Variants in KIF26A observed in about 807,000 individuals in gnomAD.
KIF26A encodes the protein kinesin family member 26A.
A neutral mutation model predicts 126.0 loss-of-function variants in KIF26A; 74 were observed. The ratio of observed to expected loss-of-function variants is 0.59; its 90% CI spans 0.49 to 0.71. The LOEUF (loss-of-function observed/expected upper bound fraction) is 0.71. Ranked by LOEUF, KIF26A falls within the 30% of genes least tolerant of loss-of-function variation. The probability of loss-of-function intolerance (pLI) is 0.00; values close to 1 mark genes in which losing one functional copy is unlikely to be tolerated. For synonymous variants in KIF26A, 1,445 were observed against 1,232.7 expected, an observed-to-expected ratio of 1.17 and a Z score of -3.61; for missense variants, 2,984 against 2,763.3, an observed-to-expected ratio of 1.08 and a Z score of -1.79.
At chr14:104,143,370 G>T (rs2037653780) in intron 2 of KIF26A, among the ~76,000 whole-genome samples, 1 of 152,224 alleles carries the variant, frequency 6.6e-6, no homozygotes, top group Non-Finnish European at 1.5e-5. Context: ...CTACCGCTCT[G>T]TGTGGCTTGG....
intron 2 of KIF26A, among the ~76,000 whole-genome samples, chr14:104,139,659 G>A (rs1174971627): frequency 6.6e-6 from 1 of 152,170 alleles, no homozygotes; most frequent in Non-Finnish European, 1.5e-5. Flanking sequence ...GAGGTTATTT[G>A]GTGCATTGTG....
intron 4 of KIF26A, among the ~76,000 whole-genome samples, chr14:104,163,384 C>T (rs536755421): frequency 2.0e-5 from 3 of 152,184 alleles, no homozygotes; most frequent in Non-Finnish European, 4.4e-5. Flanking sequence ...ACACAGACAG[C>T]GTGGGCGAGT....
intron 4 of KIF26A, among the ~76,000 whole-genome samples, chr14:104,163,064 G>A (rs1029589869): frequency 2.0e-5 from 3 of 152,220 alleles, no homozygotes; most frequent in African/African-American, 7.2e-5. Context: ...CAGGCAGCTG[G>A]CGGGAAGCTG....
Position 104,172,213 on chromosome 14 carries a change from T to TTGGGCTC in KIF26A, c.1326+290_1326+296dup, listed in dbSNP as rs531255481. 7.2e-5 allele frequency among the ~76,000 whole-genome samples: 11 copies of TTGGGCTC among 152,336 alleles called. No homozygotes were observed. In the East Asian group the frequency reaches 7.7e-4, roughly 11 times the overall value. On this transcript the variant is annotated intron_variant, in intron 6 of 14. Transcript: ENST00000423312. Reference sequence around the variant, plus strand: ...TCCCGGGAAGCTTTCCGAGCAGCTGTTGGGCTCTGGGCTCTGGGGGCGCCC... The same window carrying TTGGGCTC: ...TCCCGGGAAGCTTTCCGAGCAGCTGTTGGGCTCTGGGCTCTGGGCTCTGGGGGCGCCC...
chr14:104,172,796 G>C lies in KIF26A; in HGVS notation c.1420+128G>C, dbSNP rs55928454. 1,646 of 1,072,986 alleles carry C rather than the reference G, an allele frequency of 1.5e-3. 2 individuals carry two copies. The highest frequency in any genetic ancestry group is 2.0e-3 in the Non-Finnish European group (1,515 of 752,550). 66.5% of individuals were successfully genotyped at this position (1,072,986 alleles called of 1,614,324 possible). On this transcript the variant is annotated intron_variant, in intron 7 of 14. Transcript: ENST00000423312. ...TACACATGGGCCGTGGTGGGCATAT[G>C]GGGTGAGGGGCTTGTGGAGAGGAAG...
chr14:104,175,095 G>C lies in KIF26A; in HGVS notation c.2307G>C (p.Thr769=), dbSNP rs767204145. 2 of 1,601,348 alleles carry C rather than the reference G, an allele frequency of 1.2e-6. No homozygotes were observed. Among genetic ancestry groups the C allele is most frequent in the South Asian group, 2.3e-5 (2 of 88,842 alleles). The change falls in exon 12 of 15, where the codon ACG becomes ACC. Residue 769 remains threonine, a synonymous_variant. Coordinates refer to ENST00000423312, the MANE Select transcript of KIF26A (RefSeq NM_015656.2). ...PRTVALDPDR[T]PPCLPGDPDY... ...CTGTGGCCCTGGACCCCGACCGCAC[G>C]CCTCCCTGCCTGCCCGGTGACCCCG... is the stretch of plus-strand genomic sequence containing the variant.
intron 3 of KIF26A, among the ~76,000 whole-genome samples, chr14:104,155,968 C>T (rs911799948): frequency 1.3e-5 from 2 of 152,200 alleles, no homozygotes; most frequent in Non-Finnish European, 2.9e-5. Context: ...TGTCCTGGTG[C>T]CTCACTGGAC....
At position 104,138,743 on chromosome 14, in the gene KIF26A, T is replaced by A; in HGVS notation, c.21T>A (p.Pro7=). The change falls in exon 1 of 15, where the codon CCT becomes CCA. Residue 7 remains proline (P), a synonymous_variant. Transcript: ENST00000423312. MVGRGV[P]LCAAQPAVAE... ...CGGCCATGGTCGGCCGCGGCGTCCCTCTGTGCGCTGCGCAGCCCGCGGTAC... is the reference window on the plus strand; with the variant it reads ...CGGCCATGGTCGGCCGCGGCGTCCCACTGTGCGCTGCGCAGCCCGCGGTAC... The A allele has an allele frequency of 7.9e-7, 1 of 1,271,162 alleles. No individual in the cohort carries two copies. The highest frequency in any genetic ancestry group is 9.9e-7 in the Non-Finnish European group (1 of 1,011,126). 78.7% of individuals were successfully genotyped at this position (1,271,162 alleles called of 1,614,324 possible). A position where few individuals can be genotyped will look rare whatever the true frequency, so the allele number is the denominator to read the frequency against.
Position 104,178,454 on chromosome 14 carries a change from T to A in KIF26A, c.5111-96T>A, listed in dbSNP as rs577521442. ...CTGGACTGGATCCCGAAGGCCTCCC[T>A]GTCAGGACTCGGGCCGGCTCCGCAG... On this transcript the variant is annotated intron_variant, in intron 12 of 14. Transcript: ENST00000423312. 64 of 934,524 alleles carry A rather than the reference T, an allele frequency of 6.8e-5. No homozygotes were observed. In the South Asian group the frequency reaches 1.4e-3, roughly 20 times the overall value. The allele number at this position is 934,524 out of a possible 1,614,324, so 57.9% of individuals were successfully genotyped here.
At chr14:104,160,069 C>G (rs2037819322) in intron 4 of KIF26A, among the ~76,000 whole-genome samples, 1 of 152,158 alleles carries the variant, frequency 6.6e-6, no homozygotes, top group South Asian at 2.1e-4. Context: ...ACCCCAGCCC[C>G]TGCTCTGCCC....
At chr14:104,174,479 G>C (rs775069394) in intron 11 of KIF26A, among the ~76,000 whole-genome samples, 169 bp downstream of exon 11, 3 of 152,178 alleles carry the variant, frequency 2.0e-5, no homozygotes, top group Non-Finnish European at 4.4e-5. Context: ...CCCTCCCTGG[G>C]GGGTGGGGAG....
chr14:104,158,667 C>T (rs1403286896), intron 4 of KIF26A, among the ~76,000 whole-genome samples: 2 of 152,214 alleles, frequency 1.3e-5, no homozygotes, highest in African/African-American at 4.8e-5. Flanking sequence ...GCCTGAGGCC[C>T]TGCAGGCACC....
At position 104,173,082 on chromosome 14, in the gene KIF26A, G is replaced by C; in HGVS notation, c.1526G>C (p.Arg509Thr). 1 of 1,605,028 alleles carries C rather than the reference G, an allele frequency of 6.2e-7. No individual in the cohort carries two copies. The highest frequency in any genetic ancestry group is 1.7e-5 in the Admixed American group (1 of 58,886). The change falls in exon 8 of 15, where the codon AGG (arginine) becomes ACG (threonine). Residue 509 changes from arginine (R) to threonine (T), a missense_variant. Coordinates refer to ENST00000423312, the MANE Select transcript of KIF26A (RefSeq NM_015656.2). ...LFRLIEERRE[R>T]TGTRFSVRVS... The stretch of plus-strand genomic sequence containing the variant: ...AGGCTCATCGAGGAGCGCAGGGAGA[G>C]GACGGGCACCCGCTTCTCCGTCCGG...
Position 104,177,186 on chromosome 14 carries a change from TG to T in KIF26A, c.4399del (p.Val1467CysfsTer37). On this transcript the variant is annotated frameshift_variant, in exon 12 of 15. Coordinates refer to ENST00000423312, the MANE Select transcript of KIF26A (RefSeq NM_015656.2). LOFTEE classifies it high-confidence loss of function. ...RPPRAVPKLG[V>X]PPSSPTHGPA... is the part of the protein sequence containing the mutation. ...CTCCCCGGGCTGTACCCAAGCTGGG[TG>T]TGCCACCCTCCAGCCCCACACACGG... 6.3e-7 allele frequency: 1 copy of T among 1,596,352 alleles called. No individual in the cohort carries two copies. Among genetic ancestry groups the T allele is most frequent in the Non-Finnish European group, 8.5e-7 (1 of 1,177,778 alleles).
chr14:104,158,863 C>G (rs1037024812), intron 4 of KIF26A, among the ~76,000 whole-genome samples: 1 of 152,194 alleles, frequency 6.6e-6, no homozygotes, highest in Non-Finnish European at 1.5e-5. Flanking sequence ...TGTAAGGATG[C>G]GGATTACAGG....
Position 104,139,286 on chromosome 14 carries a change from C to A in KIF26A, c.286C>A (p.Arg96=), listed in dbSNP as rs994358567. Residue 96 remains arginine (R), a splice_region_variant and synonymous_variant, in exon 2 of 15, where the codon CGG becomes AGG. Transcript: ENST00000423312. ...KLVSGPGTTL[R]DPCLSALLLD... ...GGTCAGCGGGCCCGGGACCACCCTC[C>A]GGGTAAGTGACACTTCCTTAGGCCG... is the stretch of plus-strand genomic sequence containing the variant. The A allele has an allele frequency of 1.3e-5, 19 of 1,502,622 alleles. No homozygotes were observed. The African/African-American group carries it at 2.3e-4, about 18-fold the overall frequency. The allele number at this position is 1,502,622 out of a possible 1,614,324, so 93.1% of individuals were successfully genotyped here.
chr14:104,144,793 C>T (rs180898439), intron 2 of KIF26A, among the ~76,000 whole-genome samples: 27 of 152,346 alleles, frequency 1.8e-4, no homozygotes, highest in Admixed American at 1.0e-3. Context: ...TGCGAGCCAC[C>T]GCACAATCTT....
At chr14:104,164,337 G>A (rs2037860702) in intron 4 of KIF26A, among the ~76,000 whole-genome samples, 1 of 152,136 alleles carries the variant, frequency 6.6e-6, no homozygotes, top group South Asian at 2.1e-4. Flanking sequence ...CACACCCTTC[G>A]CCGGGTGGCA....
At position 104,174,161 on chromosome 14, in the gene KIF26A, A is replaced by G. The variant is rs1316794923; in HGVS notation, c.2044A>G (p.Thr682Ala). ...KHVPYRDHRL[T>A]MLLRESLATA... ...CTCGACCCGCAGGGACCACAGGCTC[A>G]CCATGCTGCTGCGTGAATCCCTGGC... Residue 682 changes from threonine to alanine, a missense_variant, in exon 11 of 15, where the codon ACC becomes GCC. Coordinates refer to ENST00000423312, the MANE Select transcript of KIF26A (RefSeq NM_015656.2). 1.3e-6 allele frequency: 2 copies of G among 1,581,018 alleles called. No homozygotes were observed. Among genetic ancestry groups the G allele is most frequent in the Middle Eastern group, 1.7e-4 (1 of 5,964 alleles).
Sources: allele counts gnomAD v4.1 joint callset (sites outside exome capture counted in the v4.1 genomes callset), GRCh38; gene constraint gnomAD v4.1.1; transcripts MANE v1.5; gene names NCBI Gene and HGNC (gene_info 2026-07-23, HGNC 2026-07-21).